The following STK11 variants were observed in gnomAD, a reference collection of about 807,000 sequenced individuals.
The protein encoded by STK11 is serine/threonine kinase 11, also known as serine/threonine-protein kinase STK11.
STK11 carries 8 observed loss-of-function variants against 47.3 expected under a neutral mutation model. That is an observed-to-expected ratio of 0.17 (90% CI 0.10 to 0.31). The LOEUF is 0.31. Ranked by LOEUF, STK11 falls within the 10% of genes least tolerant of loss-of-function variation. STK11 has a pLI of 1.00. For synonymous variants in STK11, 330 were observed against 255.8 expected, an observed-to-expected ratio of 1.29 and a Z score of -2.77; for missense variants, 475 against 605.0, an observed-to-expected ratio of 0.79 and a Z score of 2.25.
At chr19:1,211,165 T>G (rs2080707616) in intron 1 of STK11, among the ~76,000 whole-genome samples, 1 of 152,106 alleles carries the variant, frequency 6.6e-6, no homozygotes, top group South Asian at 2.1e-4. Context: ...GTCCAGCTAC[T>G]GGGGAAGCTG....
intron 9 of STK11, 120 bp from the exon 10 acceptor site, chr19:1,227,472 GC>G (rs1325343996): frequency 9.7e-7 from 1 of 1,027,556 alleles, no homozygotes; most frequent in Non-Finnish European, 1.2e-6. Flanking sequence ...CTCCCCTGCT[GC>G]CCCCCAGGAG....
rs747655835 is a variant in STK11 at position 1,223,172 on chromosome 19, G to A, written c.1108G>A (p.Gly370Arg). The A allele has an allele frequency of 2.5e-6, 4 of 1,609,818 alleles. No homozygotes were observed. The highest frequency in any genetic ancestry group is 1.7e-5 in the Admixed American group (1 of 59,812). ...CTACACTCAGGACTTCACGGTGCCC[G>A]GTGAGTCTGGCGGGGGCCCCTGCCC... ...IIYTQDFTVP[G>R]QVPEEEASHN... The change falls in exon 8 of 10, where the codon GGA becomes AGA. Residue 370 changes from glycine (G) to arginine (R), a missense_variant and splice_region_variant. Physicochemically the swap from Gly to Arg is moderately radical, Grantham distance 125. This residue lies in a region of STK11 where 219 missense variants were observed against 189.2 expected (regional missense o/e 1.16). Coordinates refer to ENST00000326873, the MANE Select transcript of STK11 (RefSeq NM_000455.5).
intron 1 of STK11, among the ~76,000 whole-genome samples, chr19:1,207,921 C>T (rs987791840): frequency 1.3e-5 from 2 of 152,316 alleles, no homozygotes; most frequent in African/African-American, 2.4e-5. Flanking sequence ...CATCTGTGCG[C>T]GGAGAAGCTC....
chr19:1,227,451 C>A, intron 9 of STK11, 142 bp from the exon 10 acceptor site: 1 of 918,026 alleles, frequency 1.1e-6, no homozygotes. Flanking sequence ...TCAAGGGTGG[C>A]CTTCCCTGGC....
In STK11 at chr19:1,226,482, C is replaced by T. The variant is rs786201505; in HGVS notation, c.1137C>T (p.His379=). 15 of 1,611,266 alleles carry T rather than the reference C, an allele frequency of 9.3e-6. No homozygotes were observed. The highest frequency in any genetic ancestry group is 1.0e-5 in the Non-Finnish European group (12 of 1,179,376). The change falls in exon 9 of 10, where the codon CAC becomes CAT. Residue 379 remains histidine (H), a synonymous_variant. Transcript: ENST00000326873. ...AGGTCCCAGAAGAGGAGGCCAGTCACAATGGACAGCGCCGGGGCCTCCCCA... is the reference window on the plus strand; with the variant it reads ...AGGTCCCAGAAGAGGAGGCCAGTCATAATGGACAGCGCCGGGGCCTCCCCA... ...PGQVPEEEAS[H]NGQRRGLPKA... is the part of the protein sequence containing the mutation.
intron 8 of STK11, chr19:1,224,580 C>T (rs913493123): frequency 8.8e-5 from 87 of 985,496 alleles, no homozygotes; most frequent in Non-Finnish European, 9.8e-5. Flanking sequence ...GTGGACCACA[C>T]GCTGACCCCC....
intron 8 of STK11, chr19:1,224,020 G>T: frequency 9.9e-7 from 1 of 1,006,890 alleles, no homozygotes; most frequent in Non-Finnish European, 1.2e-6. Flanking sequence ...CAGTGCACAG[G>T]GTCCACCCCC....
At position 1,223,034 on chromosome 19, in the gene STK11, C is replaced by T. The variant is rs549474196; in HGVS notation, c.970C>T (p.Pro324Ser). Residue 324 changes from proline to serine, a missense_variant, in exon 8 of 10, where the codon CCG becomes TCG. Around this residue, in one of 5 missense-constraint regions of STK11, gnomAD observed 219 missense variants for 189.2 expected, o/e 1.16. Transcript: ENST00000326873. ...GGCTGAAGCACCAGTGCCCATCCCA[C>T]CGAGCCCAGACACCAAGGACCGGTG... ...PPAEAPVPIP[P>S]SPDTKDRWRS... 3.1e-6 allele frequency: 5 copies of T among 1,593,832 alleles called. No individual in the cohort carries two copies. The highest frequency in any genetic ancestry group is 1.7e-5 in the Admixed American group (1 of 57,198).
chr19:1,228,171 C>G lies in STK11; in HGVS notation c.*595C>G. 1 of 1,057,060 alleles carries G rather than the reference C, an allele frequency of 9.5e-7. No individual in the cohort carries two copies. Among genetic ancestry groups the G allele is most frequent in the Non-Finnish European group, 1.1e-6 (1 of 871,614 alleles). 65.5% of individuals were successfully genotyped at this position (1,057,060 alleles called of 1,614,324 possible). ...GGGGTCGGGCTCACGTCGCGGCCGCCTTTGCGCTCTCGGGTCACCCTGCTT... is the reference window on the plus strand; with the variant it reads ...GGGGTCGGGCTCACGTCGCGGCCGCGTTTGCGCTCTCGGGTCACCCTGCTT... On this transcript the variant is annotated 3_prime_UTR_variant, in exon 10 of 10. Transcript: ENST00000326873.
intron 1 of STK11, among the ~76,000 whole-genome samples, chr19:1,212,188 C>T (rs1320667255): frequency 6.7e-6 from 1 of 148,602 alleles, no homozygotes; most frequent in Non-Finnish European, 1.5e-5. Flanking sequence ...CTGTAGCTGT[C>T]GGGGAATCAG....
At chr19:1,219,273 T>G in intron 2 of STK11, 51 bp from the exon 3 acceptor site, 94 of 1,547,278 alleles carry the variant, frequency 6.1e-5, no homozygotes, top group Middle Eastern at 1.7e-4. Context: ...CCGTGCTCCC[T>G]GGGCCTGTGA....
intron 2 of STK11, 59 bp downstream of exon 2, chr19:1,218,559 CCG>C: frequency 6.9e-7 from 1 of 1,458,462 alleles, no homozygotes; most frequent in East Asian, 2.3e-5. Context: ...GGCCCTGGGT[CCG>C]CCTGCCTCGA....
chr19:1,207,099 G>A lies in STK11; in HGVS notation c.186G>A (p.Lys62=), dbSNP rs1215771465. 6.2e-7 allele frequency: 1 copy of A among 1,613,862 alleles called. No individual in the cohort carries two copies. The highest frequency in any genetic ancestry group is 1.3e-5 in the African/African-American group (1 of 74,938). The part of the protein sequence containing the change: ...GDLLGEGSYG[K]VKEVLDSETL... ...TGCTGGGGGAAGGCTCTTACGGCAA[G>A]GTGAAGGAGGTGCTGGACTCGGAGA... The change falls in exon 1 of 10, where the codon AAG becomes AAA. Residue 62 remains lysine (K), a synonymous_variant. Transcript: ENST00000326873.
chr19:1,206,982 C>T lies in STK11; in HGVS notation c.69C>T (p.Asp23=), dbSNP rs1599914867. 7 of 1,612,564 alleles carry T rather than the reference C, an allele frequency of 4.3e-6. No individual in the cohort carries two copies. The highest frequency in any genetic ancestry group is 5.9e-6 in the Non-Finnish European group (7 of 1,179,474). ...GCGAGCTGATGTCGGTGGGTATGGA[C>T]ACGTTCATCCACCGCATCGACTCCA... ...TEGELMSVGM[D]TFIHRIDSTE... Residue 23 remains aspartate, a synonymous_variant, in exon 1 of 10, where the codon GAC becomes GAT. Transcript: ENST00000326873.
intron 8 of STK11, chr19:1,223,686 A>C (rs910245202): frequency 9.6e-7 from 1 of 1,045,046 alleles, no homozygotes; most frequent in Non-Finnish European, 1.2e-6. Context: ...CGCGGCTTGC[A>C]GAAGAGCGAG....
At position 1,207,042 on chromosome 19, in the gene STK11, C is replaced by G. The variant is rs1555734970; in HGVS notation, c.129C>G (p.Ala43=). ...TCTACCAGCCGCGCCGCAAGCGGGC[C>G]AAGCTCATCGGCAAGTACCTGATGG... ...EVIYQPRRKR[A]KLIGKYLMGD... is the part of the protein sequence containing the mutation. Residue 43 remains alanine (A), a synonymous_variant, in exon 1 of 10, where the codon GCC becomes GCG. Coordinates refer to ENST00000326873, the MANE Select transcript of STK11 (RefSeq NM_000455.5). 2 of 1,613,822 alleles carry G rather than the reference C, an allele frequency of 1.2e-6. No individual in the cohort carries two copies. Among genetic ancestry groups the G allele is most frequent in the South Asian group, 1.1e-5 (1 of 91,068 alleles).
At chr19:1,208,156 C>T (rs951422340) in intron 1 of STK11, among the ~76,000 whole-genome samples, 3 of 152,088 alleles carry the variant, frequency 2.0e-5, no homozygotes, top group Non-Finnish European at 4.4e-5. Flanking sequence ...GGCAAGGACA[C>T]CCTGCGCAGG....
In STK11 at chr19:1,224,196, GGGTACAGTGTCTGGGGGCCCCCCAGGA is replaced by G. The variant is rs1162336091; in HGVS notation, c.1108+1027_1108+1053del. 1.1e-4 allele frequency: 107 copies of G among 985,256 alleles called. No individual in the cohort carries two copies. The African/African-American group carries it at 1.8e-3, about 16-fold the overall frequency. 61.0% of individuals were successfully genotyped at this position (985,256 alleles called of 1,614,324 possible). A position where few individuals can be genotyped will look rare whatever the true frequency, so the allele number is the denominator to read the frequency against. On this transcript the variant is annotated intron_variant, in intron 8 of 9. Transcript: ENST00000326873. The stretch of plus-strand genomic sequence containing the variant: ...AGCACAGTGTATGGGGGTCCCCGGG[GGGTACAGTGTCTGGGGGCCCCCCAGGA>G]GGATGCAGCATGTGGGGGCCCCCCA...
Position 1,207,213 on chromosome 19 carries a change from G to C in STK11, c.290+10G>C, listed in dbSNP as rs864622101. 1.3e-6 allele frequency: 2 copies of C among 1,591,826 alleles called. No homozygotes were observed. The highest frequency in any genetic ancestry group is 8.6e-7 in the Non-Finnish European group (1 of 1,169,228). On this transcript the variant is annotated intron_variant, in intron 1 of 9. Transcript: ENST00000326873. ...AGGCCAACGTGAAGAAGTAAGTATG[G>C]CTTGCTGGGGTCGGGGCCGGGCCGG...
Sources: gnomAD v4.1 joint callset for allele counts (sites outside exome capture counted in the v4.1 genomes callset) on GRCh38, gnomAD v4.1.1 for gene constraint, gnomAD v4.1.1 regional missense constraint, MANE v1.5 for transcripts, NCBI Gene and HGNC (gene_info 2026-07-23, HGNC 2026-07-21) for gene names.